The following ABCA3 variants were observed in gnomAD, a reference collection of about 807,000 sequenced individuals.
ABCA3 encodes phospholipid-transporting ATPase ABCA3.
Under a neutral mutation model 172.8 loss-of-function variants are expected in ABCA3, and 88 were observed. That is an observed-to-expected ratio of 0.51 (90% CI 0.43 to 0.61). The LOEUF is 0.61. ABCA3 is among the 20% of genes least tolerant of loss of function. The pLI, the probability that ABCA3 is intolerant of heterozygous loss-of-function variation, is 0.00. For missense variants in ABCA3, 2,164 were observed against 2,301.0 expected (o/e 0.94, Z 1.22); for synonymous variants, 1,066 against 983.8 (o/e 1.08, Z -1.56).
chr16:2,299,671 T>C (rs2093685887), intron 13 of ABCA3, 139 bp from the exon 14 acceptor site: 7 of 1,357,960 alleles, frequency 5.2e-6, no homozygotes. Flanking sequence ...GGAGGGACGT[T>C]TCGGGCAGAT....
At position 2,311,522 on chromosome 16, in the gene ABCA3, A is replaced by AT. The variant is rs113972614; in HGVS notation, c.1112-2900dup. 9.2e-3 allele frequency among the ~76,000 whole-genome samples: 1,360 copies of AT among 148,358 alleles called. 19 individuals carry two copies. Among genetic ancestry groups the AT allele is most frequent in the African/African-American group, 0.031 (1,274 of 40,492 alleles). On this transcript the variant is annotated intron_variant, in intron 10 of 32. Coordinates refer to ENST00000301732, the MANE Select transcript of ABCA3 (RefSeq NM_001089.3). Reference sequence around the variant, plus strand: ...TCCATTGGTTTATCCTGCAGTTTGGATTTTTTTTTTAATTTTTGGAGAGAG... The same window carrying AT: ...TCCATTGGTTTATCCTGCAGTTTGGATTTTTTTTTTTAATTTTTGGAGAGAG...
intron 1 of ABCA3, among the ~76,000 whole-genome samples, chr16:2,338,386 C>A (rs753876506): frequency 1.3e-5 from 2 of 152,204 alleles, no homozygotes; most frequent in Non-Finnish European, 2.9e-5. Flanking sequence ...CTTCCCAGCC[C>A]ACTTCTAGTA....
intron 8 of ABCA3, among the ~76,000 whole-genome samples, chr16:2,318,982 T>C (rs985654142): frequency 3.3e-5 from 5 of 152,032 alleles, no homozygotes; most frequent in Admixed American, 1.3e-4. Context: ...GATCATTTTA[T>C]AGCCCACTGC....
intron 1 of ABCA3, among the ~76,000 whole-genome samples, chr16:2,337,324 ACATT>A (rs2141753867): frequency 6.6e-6 from 1 of 152,020 alleles, no homozygotes; most frequent in Non-Finnish European, 1.5e-5. Flanking sequence ...CTGCATGTTT[ACATT>A]CATTCTTTTA....
intron 7 of ABCA3, among the ~76,000 whole-genome samples, chr16:2,322,584 G>T (rs2093727865): frequency 7.1e-6 from 1 of 140,152 alleles, no homozygotes; most frequent in African/African-American, 2.7e-5. Flanking sequence ...CCTGTGCTGG[G>T]AAAACTGGCT....
At position 2,288,358 on chromosome 16, in the gene ABCA3, G is replaced by A. The variant is rs764524239; in HGVS notation, c.2701-29C>T. 7.8e-6 allele frequency: 12 copies of A among 1,535,932 alleles called. No homozygotes were observed. The African/African-American group carries it at 8.2e-5, about 11-fold the overall frequency. ...CGGCAGAGGGGACGCAGGTGACACC[G>A]GCACCGCTTGGGGCCCAGCGCCTGA... On this transcript the variant is annotated intron_variant, in intron 20 of 32. Transcript: ENST00000301732.
intron 10 of ABCA3, among the ~76,000 whole-genome samples, chr16:2,316,050 CTCACACCTGTAA>C (rs1469230725): frequency 6.8e-6 from 1 of 147,762 alleles, no homozygotes; most frequent in African/African-American, 2.5e-5. Flanking sequence ...GGCATGGTGG[CTCACACCTGTAA>C]TCCCAATGCT....
Position 2,278,975 on chromosome 16 carries a change from C to T in ABCA3, c.4515G>A (p.Glu1505=). ...VENTLRGLLL[E]PHANKLVRTY... ...TCCTGACCAGCTTGTTGGCATGTGG[C>T]TCCAGCAGCAGGCCCCGCAGAGTGT... Residue 1505 remains glutamate, a synonymous_variant, in exon 29 of 33, where the codon GAG becomes GAA. Transcript: ENST00000301732. This position sits in a 1 kb window ranked among gnomAD's most constrained non-coding sequence, Gnocchi z 4.4. 1 of 1,613,660 alleles carries T rather than the reference C, an allele frequency of 6.2e-7. No individual in the cohort carries two copies. Among genetic ancestry groups the T allele is most frequent in the South Asian group, 1.1e-5 (1 of 91,090 alleles).
intron 12 of ABCA3, among the ~76,000 whole-genome samples, chr16:2,300,465 C>G (rs560425704): frequency 1.8e-4 from 27 of 152,122 alleles, no homozygotes; most frequent in Non-Finnish European, 3.5e-4. Context: ...AGTTATCTAA[C>G]GCTCCAGTCC....
At chr16:2,316,308 CAAA>C (rs1177840434) in intron 10 of ABCA3, among the ~76,000 whole-genome samples, 2 of 37,702 alleles carry the variant, frequency 5.3e-5, no homozygotes, top group African/African-American at 1.2e-4. Context: ...GAGGCAGTCT[CAAA>C]AAAAAAAAAA....
Position 2,323,558 on chromosome 16 carries a change from G to A in ABCA3, c.578C>T (p.Pro193Leu). 1 of 1,614,180 alleles carries A rather than the reference G, an allele frequency of 6.2e-7. No homozygotes were observed. ...SLFPLFPNPG[P>L]REPTSPDGGE... ...GCCATCAGGGGATGTAGGTTCCCTTGGTCCTGGGTTTGGGAAAAGCGGGAA... is the reference window on the plus strand; with the variant it reads ...GCCATCAGGGGATGTAGGTTCCCTTAGTCCTGGGTTTGGGAAAAGCGGGAA... Residue 193 changes from proline to leucine, a missense_variant, in exon 7 of 33, where the codon CCA becomes CTA. Physicochemically the swap from Pro to Leu is moderately conservative, Grantham distance 98. Around this residue, in one of 3 missense-constraint regions of ABCA3, gnomAD observed 1,343 missense variants for 1,369.6 expected, o/e 0.98. Transcript: ENST00000301732.
chr16:2,328,623 C>A lies in ABCA3; in HGVS notation c.-197G>T. On this transcript the variant is annotated 5_prime_UTR_variant, in exon 3 of 33. Coordinates refer to ENST00000301732, the MANE Select transcript of ABCA3 (RefSeq NM_001089.3). ...TGGAGGAGGGGCAGTCTAGAGAGCC[C>A]CTGGTGCTGGTCCACTCGCTACAAC... 1 of 505,700 alleles carries A rather than the reference C, an allele frequency of 2.0e-6. No homozygotes were observed. Among genetic ancestry groups the A allele is most frequent in the East Asian group, 5.6e-5 (1 of 17,930 alleles). The allele number at this position is 505,700 out of a possible 1,614,324, so 31.3% of individuals were successfully genotyped here. A position where few individuals can be genotyped will look rare whatever the true frequency, so the allele number is the denominator to read the frequency against.
intron 7 of ABCA3, among the ~76,000 whole-genome samples, chr16:2,321,845 A>G (rs2093726530): frequency 2.0e-5 from 3 of 152,146 alleles, no homozygotes; most frequent in Non-Finnish European, 4.4e-5. Flanking sequence ...GTACACAGAG[A>G]AGGCCCGGCA....
intron 18 of ABCA3, among the ~76,000 whole-genome samples, chr16:2,295,167 G>C (rs1332441520): frequency 6.6e-6 from 1 of 152,164 alleles, no homozygotes; most frequent in Non-Finnish European, 1.5e-5. Context: ...CCGTGTGTGT[G>C]AGACAGTGAT....
chr16:2,300,415 G>C (rs1485207613), intron 12 of ABCA3, among the ~76,000 whole-genome samples: 4 of 152,010 alleles, frequency 2.6e-5, no homozygotes, highest in Non-Finnish European at 5.9e-5. Context: ...TCCGATACAG[G>C]GCAAAGGGAG....
intron 1 of ABCA3, chr16:2,332,246 C>A: frequency 5.2e-6 from 2 of 386,806 alleles, no homozygotes; most frequent in African/African-American, 4.4e-5. Context: ...TTTTTTTTTT[C>A]CTTGAAACTT....
intron 1 of ABCA3, among the ~76,000 whole-genome samples, chr16:2,336,413 G>A (rs938544568): frequency 6.6e-6 from 1 of 151,910 alleles, no homozygotes; most frequent in Non-Finnish European, 1.5e-5. Context: ...TAATAACTAG[G>A]GCCTGAAATA....
chr16:2,335,272 T>C (rs2093749965), intron 1 of ABCA3, among the ~76,000 whole-genome samples: 1 of 152,198 alleles, frequency 6.6e-6, no homozygotes, highest in African/African-American at 2.4e-5. Context: ...AGTATTTTTC[T>C]TTAAAAATGT....
At chr16:2,330,937 GAACATCAC>G (rs1420558660) in intron 1 of ABCA3, among the ~76,000 whole-genome samples, 1 of 151,940 alleles carries the variant, frequency 6.6e-6, no homozygotes, top group Non-Finnish European at 1.5e-5. Flanking sequence ...TCCTGACCTG[GAACATCAC>G]CCTTTTGCAG....
Sources: gnomAD v4.1 joint callset for allele counts (sites outside exome capture counted in the v4.1 genomes callset) on GRCh38, gnomAD v4.1.1 for gene constraint, gnomAD v4.1.1 regional missense constraint, Gnocchi (gnomAD v3.1) non-coding constraint, MANE v1.5 for transcripts, NCBI Gene and HGNC (gene_info 2026-07-23, HGNC 2026-07-21) for gene names.